PCDHGB3: variants seen among roughly 807,000 people sequenced by gnomAD.
PCDHGB3 encodes protocadherin gamma-B3.
Under a neutral mutation model 59.2 loss-of-function variants are expected in PCDHGB3, and 40 were observed. That is an observed-to-expected ratio of 0.68 (90% confidence interval 0.52 to 0.88). The LOEUF (loss-of-function observed/expected upper bound fraction) is 0.88, where lower values mean the gene tolerates loss of function less well. PCDHGB3 is among the 40% of genes least tolerant of loss of function. The pLI, the probability that PCDHGB3 is intolerant of heterozygous loss-of-function variation, is 0.00. For missense variants in PCDHGB3, 1,309 were observed against 1,187.9 expected, an observed-to-expected ratio of 1.10 and a Z score of -1.50; for synonymous variants, 581 against 503.6, an observed-to-expected ratio of 1.15 and a Z score of -2.06.
intron 1 of PCDHGB3, chr5:141,423,421 G>A (rs772863950): frequency 1.2e-6 from 2 of 1,614,080 alleles, no homozygotes; most frequent in Non-Finnish European, 1.7e-6. Flanking sequence ...TTCTGAAGGC[G>A]GGTTGGCAGG....
intron 1 of PCDHGB3, chr5:141,424,527 A>G (rs1164206187): frequency 1.3e-5 from 2 of 152,214 alleles, no homozygotes; most frequent in African/African-American, 2.4e-5. Flanking sequence ...GTAAATCCAT[A>G]TATAGAAATA....
At chr5:141,464,189 C>T (rs1215955823) in intron 1 of PCDHGB3, among the ~76,000 whole-genome samples, 1 of 150,620 alleles carries the variant, frequency 6.6e-6, no homozygotes, top group Non-Finnish European at 1.5e-5. Context: ...TGCTTGATTT[C>T]AGGAGGCGGA....
At chr5:141,376,216 G>A (rs1036569498) in intron 1 of PCDHGB3, 23 of 1,614,106 alleles carry the variant, frequency 1.4e-5, no homozygotes, top group Non-Finnish European at 1.9e-5. Flanking sequence ...TCATCGTGCT[G>A]CTGGCGCTCA....
At chr5:141,509,720 A>G (rs916316577) in intron 3 of PCDHGB3, among the ~76,000 whole-genome samples, 6 of 151,974 alleles carry the variant, frequency 3.9e-5, no homozygotes, top group Admixed American at 3.3e-4. Context: ...GTCTGATGTC[A>G]CCTAGCTGTG....
chr5:141,478,560 A>G, intron 1 of PCDHGB3: 1 of 1,598,736 alleles, frequency 6.3e-7, no homozygotes, highest in Non-Finnish European at 8.5e-7. Flanking sequence ...AGGTTTAGCA[A>G]GTCATGCTTG....
At position 141,476,565 on chromosome 5, in the gene PCDHGB3, C is replaced by A; in HGVS notation, c.2416-18242C>A. 1 of 1,614,184 alleles carries A rather than the reference C, an allele frequency of 6.2e-7. No homozygotes were observed. ...TTGGAGATTAGCGAGGCCGTGGCTC[C>A]GGGGACGCGCTTTCCGCTCGAGAGC... On this transcript the variant is annotated intron_variant, in intron 1 of 3. Coordinates refer to ENST00000576222, the MANE Select transcript of PCDHGB3 (RefSeq NM_018924.5). The surrounding 1 kb of genome is among the most constrained non-coding windows in gnomAD (Gnocchi z 7.6).
intron 1 of PCDHGB3, among the ~76,000 whole-genome samples, chr5:141,382,245 A>C (rs1778064019): frequency 6.6e-6 from 1 of 152,172 alleles, no homozygotes; most frequent in South Asian, 2.1e-4. Flanking sequence ...GACTTTCTGA[A>C]TCTTGCATCA....
At chr5:141,484,135 A>G (rs181630887) in intron 1 of PCDHGB3, among the ~76,000 whole-genome samples, 6 of 152,270 alleles carry the variant, frequency 3.9e-5, no homozygotes, top group Admixed American at 1.3e-4. Flanking sequence ...GTGTCAGATA[A>G]AGGGAATTTG....
At chr5:141,413,697 T>G in intron 1 of PCDHGB3, 4 of 1,613,632 alleles carry the variant, frequency 2.5e-6, no homozygotes, top group Non-Finnish European at 3.4e-6. Flanking sequence ...TGCAGAGCTA[T>G]CAGCTCAGCC....
At position 141,394,947 on chromosome 5, in the gene PCDHGB3, C is replaced by T. The variant is rs536743847; in HGVS notation, c.2415+22138C>T. The T allele has an allele frequency of 1.7e-5, 27 of 1,613,892 alleles. No homozygotes were observed. In the African/African-American group the frequency reaches 2.8e-4, roughly 17 times the overall value. Reference sequence around the variant, plus strand: ...CTTCCTCGCCTTTGTCGCTGTGCTTCTGGGGCTCAGGCTGAGGCGCTGGCA... The same window carrying T: ...CTTCCTCGCCTTTGTCGCTGTGCTTTTGGGGCTCAGGCTGAGGCGCTGGCA... On this transcript the variant is annotated intron_variant, in intron 1 of 3. Coordinates refer to ENST00000576222, the MANE Select transcript of PCDHGB3 (RefSeq NM_018924.5).
intron 1 of PCDHGB3, among the ~76,000 whole-genome samples, chr5:141,434,819 A>G (rs2097719619): frequency 6.6e-6 from 1 of 151,946 alleles, no homozygotes; most frequent in Admixed American, 6.6e-5. Flanking sequence ...TATATCCCTT[A>G]GTACACTTGG....
chr5:141,501,947 T>A (rs2099811963), intron 2 of PCDHGB3, among the ~76,000 whole-genome samples: 1 of 152,152 alleles, frequency 6.6e-6, no homozygotes, highest in Non-Finnish European at 1.5e-5. Context: ...CTGCTCCCTG[T>A]GACAGGTCAT....
intron 3 of PCDHGB3, among the ~76,000 whole-genome samples, chr5:141,510,538 G>A (rs1423013528): frequency 1.3e-5 from 2 of 152,216 alleles, no homozygotes; most frequent in East Asian, 1.9e-4. Context: ...AAATACCAGC[G>A]AATGTGTTTT....
Position 141,477,531 on chromosome 5 carries a change from C to G in PCDHGB3, c.2416-17276C>G. ...GTTTACATTGAAGAAAACAACCTCC[C>G]CGGGGCTCCAATACTAAACCTAAGT... On this transcript the variant is annotated intron_variant, in intron 1 of 3. Coordinates refer to ENST00000576222, the MANE Select transcript of PCDHGB3 (RefSeq NM_018924.5). This position sits in a 1 kb window ranked among gnomAD's most constrained non-coding sequence, Gnocchi z 4.9. The G allele has an allele frequency of 6.2e-7, 1 of 1,614,162 alleles. No homozygotes were observed. Among genetic ancestry groups the G allele is most frequent in the South Asian group, 1.1e-5 (1 of 91,086 alleles).
rs2099619316 is a variant in PCDHGB3, at chr5:141,485,794, C to A, written c.2416-9013C>A. The A allele has an allele frequency of 6.2e-7, 1 of 1,614,120 alleles. No homozygotes were observed. The highest frequency in any genetic ancestry group is 1.1e-5 in the South Asian group (1 of 91,092). On this transcript the variant is annotated intron_variant, in intron 1 of 3. Transcript: ENST00000576222. This position sits in a 1 kb window ranked among gnomAD's most constrained non-coding sequence, Gnocchi z 5.7. ...CTTTGGATCGAGAGAAGCAATCGGA[C>A]TACCGCCTGGTGCTGACTGCTGTCG...
At chr5:141,407,964 C>G in intron 1 of PCDHGB3, 1 of 683,628 alleles carries the variant, frequency 1.5e-6, no homozygotes, top group Non-Finnish European at 2.3e-6. Context: ...GCAGAGCAAG[C>G]GCTGACGCCG....
intron 1 of PCDHGB3, chr5:141,377,929 C>T: frequency 6.6e-6 from 1 of 152,184 alleles, no homozygotes; most frequent in East Asian, 1.9e-4. Flanking sequence ...CCACCTGTAA[C>T]TGCTGCTTAT....
rs147534370 is a variant in PCDHGB3 at position 141,511,170 on chromosome 5, G to A, written c.2787G>A (p.Lys929=). ...AGAAGTCGGGCAAGAAGGAGAAGAA[G>A]TAACATGGAGGCCAGGCCAAGAGCC... ...NKKKSGKKEK[K] The change falls in exon 4 of 4, where the codon AAG becomes AAA. Residue 929 remains lysine (K), a synonymous_variant. Coordinates refer to ENST00000576222, the MANE Select transcript of PCDHGB3 (RefSeq NM_018924.5). 1.9e-6 allele frequency: 3 copies of A among 1,613,988 alleles called. No homozygotes were observed. The highest frequency in any genetic ancestry group is 2.5e-6 in the Non-Finnish European group (3 of 1,179,990).
intron 1 of PCDHGB3, chr5:141,399,738 G>T: frequency 1.2e-6 from 2 of 1,613,268 alleles, no homozygotes; most frequent in South Asian, 2.2e-5. Flanking sequence ...GCTCGCCTGC[G>T]CTCAGCGCAA....
Sources: gnomAD v4.1 joint callset for allele counts (sites outside exome capture counted in the v4.1 genomes callset) on GRCh38, gnomAD v4.1.1 for gene constraint, Gnocchi (gnomAD v3.1) non-coding constraint, MANE v1.5 for transcripts, NCBI Gene and HGNC (gene_info 2026-07-23, HGNC 2026-07-21) for gene names.